Variants in EYA4 observed in about 807,000 individuals in gnomAD.
The protein encoded by EYA4 is EYA transcriptional coactivator and phosphatase 4.
In EYA4, 31 loss-of-function variants were observed where a neutral mutation model predicts 87.9. The ratio of observed to expected loss-of-function variants is 0.35; its 90% CI spans 0.27 to 0.48. The LOEUF is 0.48. Among genes scored for constraint, EYA4 ranks in the 20% least tolerant of loss-of-function variants. The probability of loss-of-function intolerance (pLI) is 0.99; values close to 1 mark genes in which losing one functional copy is unlikely to be tolerated. For missense variants in EYA4, 678 were observed against 761.4 expected, an observed-to-expected ratio of 0.89 and a Z score of 1.29; for synonymous variants, 263 against 270.6, an observed-to-expected ratio of 0.97 and a Z score of 0.28.
intron 2 of EYA4, among the ~76,000 whole-genome samples, chr6:133,300,426 T>A (rs1779312845): frequency 6.6e-6 from 1 of 152,212 alleles, no homozygotes; most frequent in Non-Finnish European, 1.5e-5. Context: ...AGATACCTGA[T>A]CTTCCTTCAG....
At chr6:133,273,141 C>T (rs763223476) in intron 1 of EYA4, among the ~76,000 whole-genome samples, 1 of 125,096 alleles carries the variant, frequency 8.0e-6, no homozygotes, top group Non-Finnish European at 1.7e-5. Context: ...TAAATATTAA[C>T]TCACATGTTC....
At chr6:133,372,139 A>G (rs1289095936) in intron 2 of EYA4, among the ~76,000 whole-genome samples, 1 of 152,176 alleles carries the variant, frequency 6.6e-6, no homozygotes, top group Non-Finnish European at 1.5e-5. Flanking sequence ...GCTTCTGCAT[A>G]TAAAAATTAT....
In EYA4 at chr6:133,515,359, T is replaced by A; in HGVS notation, c.1540T>A (p.Leu514Ile). The stretch of plus-strand genomic sequence containing the variant: ...TGCCAAGAGGGATGCCTGGCTACAG[T>A]TAAGGGCAGAGATTGAAGGTCTGAC... Reference protein sequence around the residue: ...GPAKRDAWLQLRAEIEGLTDS... With the variant: ...GPAKRDAWLQIRAEIEGLTDS... The change falls in exon 17 of 20, where the codon TTA becomes ATA. Residue 514 changes from leucine (L) to isoleucine (I), a missense_variant. Physicochemically the swap from Leu to Ile is conservative, Grantham distance 5 (BLOSUM62 2). Transcript: ENST00000355286. The A allele has an allele frequency of 6.2e-7, 1 of 1,613,832 alleles. No homozygotes were observed. The highest frequency in any genetic ancestry group is 8.5e-7 in the Non-Finnish European group (1 of 1,179,704).
intron 2 of EYA4, among the ~76,000 whole-genome samples, chr6:133,280,201 T>C (rs34895585): frequency 0.11 from 16,135 of 152,142 alleles, 957 homozygotes; most frequent in African/African-American, 0.13. Flanking sequence ...AATAACATAC[T>C]TCAGAGTTCT....
At position 133,457,041 on chromosome 6, in the gene EYA4, C is replaced by A. The variant is rs76451592; in HGVS notation, c.370+393C>A. Reference sequence around the variant, plus strand: ...TTTAACATTCGAGATGTAAAACTATCCATTTGATTCCTTCTAAATAACCTT... The same window carrying A: ...TTTAACATTCGAGATGTAAAACTATACATTTGATTCCTTCTAAATAACCTT... On this transcript the variant is annotated intron_variant, in intron 6 of 19. Coordinates refer to ENST00000355286, the MANE Select transcript of EYA4 (RefSeq NM_004100.5). 7.5e-3 allele frequency among the ~76,000 whole-genome samples: 1,147 copies of A among 152,106 alleles called. 11 individuals are homozygous for A. Among genetic ancestry groups the A allele is most frequent in the African/African-American group, 0.025 (1,054 of 41,486 alleles).
intron 3 of EYA4, among the ~76,000 whole-genome samples, chr6:133,431,586 G>A (rs754251919): frequency 6.6e-6 from 1 of 152,158 alleles, no homozygotes; most frequent in African/African-American, 2.4e-5. Flanking sequence ...TGTATTTGAT[G>A]AACTTTGTTT....
intron 2 of EYA4, among the ~76,000 whole-genome samples, chr6:133,350,842 A>G (rs967790004): frequency 1.3e-5 from 2 of 151,914 alleles, no homozygotes; most frequent in Non-Finnish European, 2.9e-5. Context: ...ATTTCTATAC[A>G]TTTCATTTCT....
intron 17 of EYA4, among the ~76,000 whole-genome samples, 187 bp downstream of exon 17, chr6:133,515,622 AGTGTGTGTGTGTGTGTGT>A (rs72318662): frequency 6.8e-6 from 1 of 146,636 alleles, no homozygotes; most frequent in African/African-American, 2.5e-5. Context: ...TGTGTGTGTG[AGTGTGTGTGTGTGTGTGT>A]GTGTGTGTGT....
intron 2 of EYA4, among the ~76,000 whole-genome samples, chr6:133,373,925 T>C (rs1327810263): frequency 6.6e-6 from 1 of 152,098 alleles, no homozygotes. Flanking sequence ...ATGGTTCCTT[T>C]TGTGGCATTT....
At chr6:133,432,756 C>T (rs868365767) in intron 3 of EYA4, among the ~76,000 whole-genome samples, 2 of 152,252 alleles carry the variant, frequency 1.3e-5, no homozygotes, top group Middle Eastern at 3.4e-3. Flanking sequence ...CCTCTCATCA[C>T]ATTTCACATT....
chr6:133,266,347 G>A (rs1229963942), intron 1 of EYA4, among the ~76,000 whole-genome samples: 1 of 152,134 alleles, frequency 6.6e-6, no homozygotes, highest in Admixed American at 6.5e-5. Context: ...AGGATGGCCA[G>A]CAACCCCCAG....
chr6:133,462,606 C>T lies in EYA4; in HGVS notation c.581-15C>T, dbSNP rs774702620. 1 of 1,613,688 alleles carries T rather than the reference C, an allele frequency of 6.2e-7. No homozygotes were observed. The highest frequency in any genetic ancestry group is 1.1e-5 in the South Asian group (1 of 91,068). On this transcript the variant is annotated splice_polypyrimidine_tract_variant and intron_variant, in intron 8 of 19. Coordinates refer to ENST00000355286, the MANE Select transcript of EYA4 (RefSeq NM_004100.5). ...TTACTAATTAAATGGTTTACACATT[C>T]AATTTTCTGAACAGATTTGGGTGTG... is the stretch of plus-strand genomic sequence containing the variant.
chr6:133,365,639 C>G (rs1583071776), intron 2 of EYA4, among the ~76,000 whole-genome samples: 1 of 152,022 alleles, frequency 6.6e-6, no homozygotes, highest in African/African-American at 2.4e-5. Context: ...AGTGGGGTTT[C>G]TGTGGGAAAG....
At chr6:133,273,118 A>ATATATATATATATATATATATAT (rs1562233057) in intron 1 of EYA4, among the ~76,000 whole-genome samples, 3 of 128,052 alleles carry the variant, frequency 2.3e-5, no homozygotes, top group Admixed American at 7.5e-5. Flanking sequence ...TATATATATA[A>ATATATATATATATATATATATAT]AGGGAAGTTT....
intron 4 of EYA4, 86 bp from the exon 5 acceptor site, chr6:133,448,025 C>G (rs1793028104): frequency 9.4e-7 from 1 of 1,069,134 alleles, no homozygotes. Flanking sequence ...GCTAAAAGGT[C>G]AGAAACCAGT....
chr6:133,327,288 C>T (rs1219298979), intron 2 of EYA4, among the ~76,000 whole-genome samples: 1 of 151,984 alleles, frequency 6.6e-6, no homozygotes, highest in East Asian at 1.9e-4. Context: ...CAGGTGCCCG[C>T]CGCCACGCCA....
chr6:133,304,781 A>G (rs1355293935), intron 2 of EYA4, among the ~76,000 whole-genome samples: 1 of 149,720 alleles, frequency 6.7e-6, no homozygotes, highest in Non-Finnish European at 1.5e-5. Flanking sequence ...TTCATTCAAC[A>G]GTGAATTTAT....
chr6:133,504,462 A>G (rs532571703), intron 13 of EYA4, among the ~76,000 whole-genome samples: 47 of 152,352 alleles, frequency 3.1e-4, no homozygotes, highest in Non-Finnish European at 4.9e-4. Context: ...AAATGAGAAG[A>G]TGCAAACAAT....
intron 3 of EYA4, among the ~76,000 whole-genome samples, chr6:133,430,653 C>CA (rs965762186): frequency 7.2e-5 from 11 of 151,758 alleles, no homozygotes; most frequent in East Asian, 1.9e-4. Flanking sequence ...AACTATGCCA[C>CA]AAAAAAAACT....
Sources: gnomAD v4.1 joint callset for allele counts (sites outside exome capture counted in the v4.1 genomes callset) on GRCh38, gnomAD v4.1.1 for gene constraint, MANE v1.5 for transcripts, NCBI Gene and HGNC (gene_info 2026-07-23, HGNC 2026-07-21) for gene names.